FNTB: variants seen among roughly 807,000 people sequenced by gnomAD.
FNTB encodes the protein farnesyltransferase, CAAX box, subunit beta.
Under a neutral mutation model 59.4 loss-of-function variants are expected in FNTB, and 27 were observed. That is an observed-to-expected ratio of 0.45 (90% CI 0.34 to 0.63). The LOEUF (loss-of-function observed/expected upper bound fraction) is 0.63, where lower values mean the gene tolerates loss of function less well. Ranked by LOEUF, FNTB falls within the 20% of genes least tolerant of loss-of-function variation. The probability of loss-of-function intolerance (pLI) is 0.02; values close to 1 mark genes in which losing one functional copy is unlikely to be tolerated. For missense variants in FNTB, 449 were observed against 559.6 expected (o/e 0.80, Z 1.99); for synonymous variants, 230 against 220.7 (o/e 1.04, Z -0.37).
At chr14:65,040,101 G>C (rs532143122) in intron 7 of FNTB, among the ~76,000 whole-genome samples, 1 of 152,184 alleles carries the variant, frequency 6.6e-6, no homozygotes, top group South Asian at 2.1e-4. Context: ...GAGGTGGGAG[G>C]ATTGCCTGAG....
intron 1 of FNTB, among the ~76,000 whole-genome samples, chr14:64,989,455 G>A (rs377341899): frequency 2.0e-5 from 3 of 150,708 alleles, no homozygotes; most frequent in African/African-American, 7.3e-5. Context: ...AACAAAAAAC[G>A]ACTATACTGA....
At position 65,021,515 on chromosome 14, in the gene FNTB, C is replaced by G. The variant is rs559918395; in HGVS notation, c.374+5799C>G. Reference sequence around the variant, plus strand: ...AGGCCTTTGTCTCCTGGGCATTTTTCCTGGCCAGGTGCTGTTGGCACCTGG... The same window carrying G: ...AGGCCTTTGTCTCCTGGGCATTTTTGCTGGCCAGGTGCTGTTGGCACCTGG... On this transcript the variant is annotated intron_variant, in intron 4 of 11. Transcript: ENST00000246166. Among the ~76,000 whole-genome samples the G allele has an allele frequency of 2.6e-5, 4 of 152,244 alleles. No homozygotes were observed. In the East Asian group the frequency reaches 7.7e-4, roughly 29 times the overall value.
At position 65,015,697 on chromosome 14, in the gene FNTB, C is replaced by T; in HGVS notation, c.355C>T (p.Pro119Ser). Residue 119 changes from proline (P) to serine (S), a missense_variant, in exon 4 of 12, where the codon CCC becomes TCC. By Grantham distance (74) the Pro-to-Ser change is moderately conservative. Transcript: ENST00000246166. Reference protein sequence around the residue: ...HSLELLDEPIPQIVATDVCQF... With the variant: ...HSLELLDEPISQIVATDVCQF... ...CTTGGAACTGCTAGATGAACCCATC[C>T]CCCAGATAGTGGCTACAGAGTGAGT... 1 of 1,614,128 alleles carries T rather than the reference C, an allele frequency of 6.2e-7. No homozygotes were observed. The highest frequency in any genetic ancestry group is 8.5e-7 in the Non-Finnish European group (1 of 1,179,994).
At chr14:65,021,524 G>A (rs2061885983) in intron 4 of FNTB, among the ~76,000 whole-genome samples, 1 of 152,156 alleles carries the variant, frequency 6.6e-6, no homozygotes, top group African/African-American at 2.4e-5. Context: ...TCCTGGCCAG[G>A]TGCTGTTGGC....
At chr14:65,059,025 TTTC>T (rs1422661483) in intron 11 of FNTB, among the ~76,000 whole-genome samples, 1 of 152,166 alleles carries the variant, frequency 6.6e-6, no homozygotes, top group African/African-American at 2.4e-5. Context: ...CTTTTTTCTT[TTTC>T]TTTTCTTTTT....
Position 65,037,403 on chromosome 14 carries a change from C to CTTTTTTTTTTTTTTT in FNTB, c.693-3358_693-3344dup, listed in dbSNP as rs1555335876. ...TAGGCGTGAGCCACCACGCCGGGCC[C>CTTTTTTTTTTTTTTT]TTTTTTTTTTTTTTTTTTTTTTTTT... On this transcript the variant is annotated intron_variant, in intron 7 of 11. Transcript: ENST00000246166. Among the ~76,000 whole-genome samples the CTTTTTTTTTTTTTTT allele has an allele frequency of 1.7e-3, 51 of 29,680 alleles. 11 individuals are homozygous for CTTTTTTTTTTTTTTT. Among genetic ancestry groups the CTTTTTTTTTTTTTTT allele is most frequent in the Admixed American group, 4.6e-3 (11 of 2,374 alleles). 19.5% of individuals were successfully genotyped at this position (29,680 alleles called of 152,430 possible). A position where few individuals can be genotyped will look rare whatever the true frequency, so the allele number is the denominator to read the frequency against.
intron 9 of FNTB, among the ~76,000 whole-genome samples, chr14:65,051,118 C>T (rs560291742): frequency 1.3e-5 from 2 of 152,280 alleles, no homozygotes; most frequent in South Asian, 2.1e-4. Context: ...CTCCTTAGGT[C>T]GGACTTAGTT....
chr14:65,036,289 T>G (rs1240894474), intron 7 of FNTB, among the ~76,000 whole-genome samples: 1 of 152,102 alleles, frequency 6.6e-6, no homozygotes, highest in African/African-American at 2.4e-5. Flanking sequence ...CAGGCTGGAG[T>G]GCAGTGGCGT....
intron 9 of FNTB, among the ~76,000 whole-genome samples, chr14:65,050,303 T>C (rs2062577138): frequency 6.6e-6 from 1 of 152,232 alleles, no homozygotes; most frequent in South Asian, 2.1e-4. Context: ...TTTTAAAAAG[T>C]AACTAAAGCT....
At chr14:65,060,201 AAAAG>A (rs1357460527) in intron 11 of FNTB, among the ~76,000 whole-genome samples, 2 of 152,106 alleles carry the variant, frequency 1.3e-5, no homozygotes, top group Admixed American at 1.3e-4. Context: ...TAAAATATAA[AAAAG>A]AAAATGAAAA....
At chr14:65,053,865 G>C (rs1371165937) in intron 10 of FNTB, among the ~76,000 whole-genome samples, 1 of 152,122 alleles carries the variant, frequency 6.6e-6, no homozygotes, top group Non-Finnish European at 1.5e-5. Context: ...TTGGCATCCA[G>C]GGGAAGGCCT....
intron 11 of FNTB, among the ~76,000 whole-genome samples, chr14:65,056,905 C>T (rs1405508596): frequency 6.6e-6 from 1 of 152,174 alleles, no homozygotes; most frequent in East Asian, 1.9e-4. Flanking sequence ...AAGGGCATGG[C>T]TCTGGCTTCT....
intron 1 of FNTB, among the ~76,000 whole-genome samples, chr14:64,999,352 C>T (rs1028267800): frequency 1.6e-4 from 24 of 152,282 alleles, no homozygotes; most frequent in Middle Eastern, 3.4e-3. Flanking sequence ...GCAGGAGAAT[C>T]GTTTGAACCT....
intron 1 of FNTB, among the ~76,000 whole-genome samples, chr14:64,988,543 G>A (rs1182076690): frequency 2.0e-5 from 3 of 146,406 alleles, no homozygotes; most frequent in Admixed American, 7.1e-5. Flanking sequence ...CACGCCATTC[G>A]CCTGCCTCAG....
chr14:65,002,091 C>T (rs987332457), intron 1 of FNTB, among the ~76,000 whole-genome samples: 3 of 152,076 alleles, frequency 2.0e-5, no homozygotes, highest in African/African-American at 4.8e-5. Flanking sequence ...ATGGGTATTT[C>T]GGAAATAAAT....
At position 65,018,862 on chromosome 14, in the gene FNTB, G is replaced by C. The variant is rs562967417; in HGVS notation, c.374+3146G>C. On this transcript the variant is annotated intron_variant, in intron 4 of 11. Coordinates refer to ENST00000246166, the MANE Select transcript of FNTB (RefSeq NM_002028.4). ...GCGGTGGCTCACACCTGTAATCCCA[G>C]CACTTTGGGAGAACGAAGTGGGTGG... Among the ~76,000 whole-genome samples, 372 of 149,696 alleles carry C rather than the reference G, an allele frequency of 2.5e-3. 1 individual carries two copies. The highest frequency in any genetic ancestry group is 8.7e-3 in the African/African-American group (353 of 40,712).
intron 4 of FNTB, among the ~76,000 whole-genome samples, chr14:65,022,995 T>C (rs1431193604): frequency 6.6e-6 from 1 of 152,244 alleles, no homozygotes; most frequent in East Asian, 1.9e-4. Flanking sequence ...TTTTGTATTA[T>C]ATGCTTATTT....
intron 7 of FNTB, among the ~76,000 whole-genome samples, chr14:65,033,596 G>A (rs1392749085): frequency 6.6e-6 from 1 of 152,072 alleles, no homozygotes; most frequent in African/African-American, 2.4e-5. Context: ...GGTGGCTCAC[G>A]CCTGTAATTC....
intron 1 of FNTB, among the ~76,000 whole-genome samples, chr14:64,988,160 C>T (rs1888027338): frequency 6.6e-6 from 1 of 152,176 alleles, no homozygotes; most frequent in Non-Finnish European, 1.5e-5. Context: ...GGGCTTGATA[C>T]GTGGTTATTC....
Sources: gnomAD v4.1 joint callset for allele counts (sites outside exome capture counted in the v4.1 genomes callset) on GRCh38, gnomAD v4.1.1 for gene constraint, MANE v1.5 for transcripts, NCBI Gene and HGNC (gene_info 2026-07-23, HGNC 2026-07-21) for gene names.